The following COL11A1 variants were observed in gnomAD, a reference collection of about 807,000 sequenced individuals.
COL11A1 encodes collagen type XI alpha 1 chain.
Under a neutral mutation model 265.2 loss-of-function variants are expected in COL11A1, and 74 were observed. The observed-to-expected ratio is 0.28, with a 90% CI of 0.23 to 0.34. The LOEUF is 0.34. Among genes scored for constraint, COL11A1 ranks in the 10% least tolerant of loss-of-function variants. The probability of loss-of-function intolerance (pLI) is 1.00; values close to 1 mark genes in which losing one functional copy is unlikely to be tolerated. For synonymous variants in COL11A1, 816 were observed against 727.6 expected (o/e 1.12, Z -1.96); for missense variants, 2,165 against 2,263.6 (o/e 0.96, Z 0.88).
At position 103,082,763 on chromosome 1, in the gene COL11A1, C is replaced by G. The variant is rs11164662; in HGVS notation, c.274+42G>C. The G allele has an allele frequency of 0.57, 870,114 of 1,522,820 alleles. 256,878 individuals are homozygous for G. The highest frequency in any genetic ancestry group is 0.92 in the East Asian group (38,685 of 41,922). The allele number at this position is 1,522,820 out of a possible 1,614,324, so 94.3% of individuals were successfully genotyped here. A position where few individuals can be genotyped will look rare whatever the true frequency, so the allele number is the denominator to read the frequency against. On this transcript the variant is annotated intron_variant, in intron 2 of 66. Coordinates refer to ENST00000370096, the MANE Select transcript of COL11A1 (RefSeq NM_001854.4). The stretch of plus-strand genomic sequence containing the variant: ...TTTAGTAGTAACAAAAGTGTAATAA[C>G]TTTTAGTAATAATAACAATAATAAT...
At chr1:102,927,732 A>C (rs1005712272) in intron 46 of COL11A1, among the ~76,000 whole-genome samples, 1 of 152,174 alleles carries the variant, frequency 6.6e-6, no homozygotes, top group South Asian at 2.1e-4. Flanking sequence ...GATATATTTG[A>C]ACAGAGGCTG....
At chr1:102,935,771 T>C (rs1462138088) in intron 44 of COL11A1, among the ~76,000 whole-genome samples, 1 of 152,170 alleles carries the variant, frequency 6.6e-6, no homozygotes, top group Non-Finnish European at 1.5e-5. Flanking sequence ...CATTGAACTG[T>C]ATTGTTCTGT....
At chr1:102,962,622 G>A (rs777244194) in intron 39 of COL11A1, 31 bp downstream of exon 39, 4 of 1,594,892 alleles carry the variant, frequency 2.5e-6, no homozygotes, top group African/African-American at 1.3e-5. Flanking sequence ...AAAGTTTTGG[G>A]CCAAAAAAAG....
intron 41 of COL11A1, among the ~76,000 whole-genome samples, chr1:102,957,001 G>T (rs1377924758): frequency 2.0e-5 from 3 of 151,502 alleles, no homozygotes; most frequent in African/African-American, 7.3e-5. Context: ...TTCTTCCAAG[G>T]ATATTCATAA....
intron 23 of COL11A1, 32 bp from the exon 24 acceptor site, chr1:103,002,001 A>G (rs111783344): frequency 6.4e-6 from 10 of 1,568,836 alleles, no homozygotes; most frequent in African/African-American, 2.7e-5. Flanking sequence ...CATATATCAG[A>G]TATCAAATCA....
At chr1:102,971,162 T>C (rs1162971697) in intron 36 of COL11A1, among the ~76,000 whole-genome samples, 1 of 152,208 alleles carries the variant, frequency 6.6e-6, no homozygotes, top group Admixed American at 6.5e-5. Flanking sequence ...TCCCAGTAGA[T>C]TTTCTTAAAT....
chr1:103,002,283 A>G, intron 23 of COL11A1, 145 bp downstream of exon 23: 1 of 859,344 alleles, frequency 1.2e-6, no homozygotes, highest in Non-Finnish European at 1.8e-6. Flanking sequence ...AATTTTTTTA[A>G]AAAAAGAAAA....
intron 28 of COL11A1, among the ~76,000 whole-genome samples, chr1:102,990,126 A>T (rs898630030): frequency 1.6e-4 from 24 of 152,162 alleles, no homozygotes; most frequent in African/African-American, 5.5e-4. Flanking sequence ...TCAAGGCTGC[A>T]GTGAGCCGTG....
At chr1:103,054,010 C>G (rs1670034944) in intron 4 of COL11A1, among the ~76,000 whole-genome samples, 1 of 152,070 alleles carries the variant, frequency 6.6e-6, no homozygotes, top group African/African-American at 2.4e-5. Flanking sequence ...CTCTAATTTA[C>G]CTGGGTGTGT....
At chr1:103,092,388 A>T (rs915905037) in intron 1 of COL11A1, among the ~76,000 whole-genome samples, 1 of 152,172 alleles carries the variant, frequency 6.6e-6, no homozygotes, top group African/African-American at 2.4e-5. Context: ...ATGTAGATAC[A>T]AGTCTTTTAT....
chr1:102,998,661 C>A (rs1664852383), intron 24 of COL11A1, among the ~76,000 whole-genome samples: 2 of 151,188 alleles, frequency 1.3e-5, no homozygotes, highest in African/African-American at 4.9e-5. Flanking sequence ...GCTTAGAGAA[C>A]AAAAAGGAAA....
chr1:103,067,915 G>A (rs1347125458), intron 4 of COL11A1, among the ~76,000 whole-genome samples: 3 of 151,300 alleles, frequency 2.0e-5, no homozygotes, highest in Non-Finnish European at 4.4e-5. Context: ...CAGAAAAACC[G>A]AATTAACCTG....
Position 103,014,559 on chromosome 1 carries a change from G to A in COL11A1, c.1524C>T (p.Thr508=). The A allele has an allele frequency of 1.2e-6, 2 of 1,613,676 alleles. No homozygotes were observed. The highest frequency in any genetic ancestry group is 1.7e-6 in the Non-Finnish European group (2 of 1,179,774). ...GAGCCTGAGCTTCCTGAGCAGAGAT[G>A]GTTGGTCCTTTGGAACCATCACCAC... is the stretch of plus-strand genomic sequence containing the variant. ...RYGGDGSKGP[T]ISAQEAQAQA... The change falls in exon 13 of 67, where the codon ACC becomes ACT. Residue 508 remains threonine, a synonymous_variant. Coordinates refer to ENST00000370096, the MANE Select transcript of COL11A1 (RefSeq NM_001854.4).
rs1429428296 is a variant in COL11A1, at chr1:102,886,835, C to A, written c.4830G>T (p.Leu1610=). The A allele has an allele frequency of 6.2e-7, 1 of 1,613,844 alleles. No individual in the cohort carries two copies. Among genetic ancestry groups the A allele is most frequent in the Non-Finnish European group, 8.5e-7 (1 of 1,179,818 alleles). The change falls in exon 63 of 67, where the codon CTG becomes CTT. Residue 1610 remains leucine, a synonymous_variant. Transcript: ENST00000370096. Reference sequence around the variant, plus strand: ...CTGGGAAGTCAGGATGGCTGAGTTGCAGGTCTTTACAAGTTCGGGCTGGAT... The same window carrying A: ...CTGGGAAGTCAGGATGGCTGAGTTGAAGGTCTTTACAAGTTCGGGCTGGAT... The part of the protein sequence containing the change: ...QTNPARTCKD[L]QLSHPDFPDG...
At chr1:102,989,612 T>C in intron 28 of COL11A1, 41 bp from the exon 29 acceptor site, 1 of 1,380,414 alleles carries the variant, frequency 7.2e-7, no homozygotes, top group Non-Finnish European at 1.0e-6. Context: ...GTTTAATCAG[T>C]CCTTTGGAGT....
intron 54 of COL11A1, among the ~76,000 whole-genome samples, chr1:102,900,492 G>A (rs1013520410): frequency 6.6e-6 from 1 of 152,016 alleles, no homozygotes; most frequent in Non-Finnish European, 1.5e-5. Flanking sequence ...TGAAATAATA[G>A]CTTTTCCTTA....
At chr1:103,071,397 T>A (rs61817082) in intron 4 of COL11A1, among the ~76,000 whole-genome samples, 16,636 of 151,110 alleles carry the variant, frequency 0.11, 1,097 homozygotes, top group Non-Finnish European at 0.14. Flanking sequence ...TCTAATTTAA[T>A]TTTCCTCACA....
chr1:103,014,889 T>A (rs1348111738), intron 12 of COL11A1, among the ~76,000 whole-genome samples: 2 of 152,098 alleles, frequency 1.3e-5, no homozygotes, highest in East Asian at 3.9e-4. Flanking sequence ...GACTTTTTTT[T>A]AAGCACAAAT....
chr1:103,061,263 T>C (rs1670653121), intron 4 of COL11A1, among the ~76,000 whole-genome samples: 1 of 151,980 alleles, frequency 6.6e-6, no homozygotes, highest in Non-Finnish European at 1.5e-5. Flanking sequence ...CAAAATCTAA[T>C]AGATATGGAA....
Sources: gnomAD v4.1 joint callset for allele counts (sites outside exome capture counted in the v4.1 genomes callset) on GRCh38, gnomAD v4.1.1 for gene constraint, MANE v1.5 for transcripts, NCBI Gene and HGNC (gene_info 2026-07-23, HGNC 2026-07-21) for gene names.